The following RSPO1 variants were observed in gnomAD, a reference collection of about 807,000 sequenced individuals.
RSPO1 encodes the protein R-spondin 1, also known as R-spondin-1.
A neutral mutation model predicts 26.0 loss-of-function variants in RSPO1; 18 were observed. The ratio of observed to expected loss-of-function variants is 0.69; its 90% CI spans 0.48 to 1.03. The LOEUF (loss-of-function observed/expected upper bound fraction) is 1.03, where lower values mean the gene tolerates loss of function less well. RSPO1 is among the 50% of genes least tolerant of loss of function. The pLI is 0.00. For synonymous variants in RSPO1, 133 were observed against 137.4 expected, an observed-to-expected ratio of 0.97 and a Z score of 0.22; for missense variants, 309 against 352.3, an observed-to-expected ratio of 0.88 and a Z score of 0.98.
At chr1:37,632,381 G>A (rs1248743179) in intron 1 of RSPO1, 28 bp from the exon 2 acceptor site, 1 of 152,218 alleles carries the variant, frequency 6.6e-6, no homozygotes, top group Non-Finnish European at 1.5e-5. Flanking sequence ...GGATCCAGAT[G>A]TAAATTTCAC....
chr1:37,616,522 T>C lies in RSPO1; in HGVS notation c.248A>G (p.Tyr83Cys). 6.2e-7 allele frequency: 1 copy of C among 1,614,160 alleles called. No individual in the cohort carries two copies. Among genetic ancestry groups the C allele is most frequent in the Non-Finnish European group, 8.5e-7 (1 of 1,180,038 alleles). ...GVCLPSCPPG[Y>C]FDARNPDMNK... Reference sequence around the variant, plus strand: ...CATGTCGGGGTTGCGGGCGTCGAAGTATCCAGGTGGGCAGGACGGCAAGCA... The same window carrying C: ...CATGTCGGGGTTGCGGGCGTCGAAGCATCCAGGTGGGCAGGACGGCAAGCA... The change falls in exon 4 of 7, where the codon TAC becomes TGC. Residue 83 changes from tyrosine (Y) to cysteine (C), a missense_variant. Coordinates refer to ENST00000356545, the MANE Select transcript of RSPO1 (RefSeq NM_001242908.2).
chr1:37,621,188 C>T (rs1644196657), intron 3 of RSPO1, among the ~76,000 whole-genome samples: 1 of 151,908 alleles, frequency 6.6e-6, no homozygotes, highest in South Asian at 2.1e-4. Context: ...GAGCCTGGAG[C>T]GAGTGATGAG....
At chr1:37,630,641 G>A (rs894729593) in intron 2 of RSPO1, among the ~76,000 whole-genome samples, 4 of 152,230 alleles carry the variant, frequency 2.6e-5, no homozygotes, top group East Asian at 1.9e-4. Context: ...CTCTGGACCC[G>A]CTGGCCGGCT....
At chr1:37,626,085 G>GCTGGGCT (rs1644272259) in intron 3 of RSPO1, among the ~76,000 whole-genome samples, 1 of 152,106 alleles carries the variant, frequency 6.6e-6, no homozygotes, top group African/African-American at 2.4e-5. Flanking sequence ...CCTCTATGCA[G>GCTGGGCT]CTGGGCTCTG....
chr1:37,616,724 C>A (rs1183190583), intron 3 of RSPO1, 49 bp from the exon 4 acceptor site: 3 of 1,502,232 alleles, frequency 2.0e-6, no homozygotes, highest in African/African-American at 2.7e-5. Flanking sequence ...GAGAACCTCA[C>A]CTATCCAGAT....
rs773716637 is a variant in RSPO1, at chr1:37,613,677, C to G, written c.625+27G>C. On this transcript the variant is annotated intron_variant, in intron 6 of 6. Coordinates refer to ENST00000356545, the MANE Select transcript of RSPO1 (RefSeq NM_001242908.2). This position sits in a 1 kb window ranked among gnomAD's most constrained non-coding sequence, Gnocchi z 4.5. ...TCATGGCTGGTGCCTGAGCCCTGAC[C>G]CCAGGGAGGCAGAGGCTGCAGCTCA... The G allele has an allele frequency of 1.3e-6, 2 of 1,597,382 alleles. No individual in the cohort carries two copies. Among genetic ancestry groups the G allele is most frequent in the Middle Eastern group, 1.8e-4 (1 of 5,594 alleles).
Position 37,613,944 on chromosome 1 carries a change from TCTC to T in RSPO1, c.437-55_437-53del. On this transcript the variant is annotated intron_variant, in intron 5 of 6. Transcript: ENST00000356545. The surrounding 1 kb of genome is among the most constrained non-coding windows in gnomAD (Gnocchi z 4.5). ...GAAGGACAAGGAGGAGGGGATCATG[TCTC>T]CTCCTCTGGCCCAGAATAGCCCAGG... 6.3e-7 allele frequency: 1 copy of T among 1,582,150 alleles called. No individual in the cohort carries two copies. Among genetic ancestry groups the T allele is most frequent in the Non-Finnish European group, 8.7e-7 (1 of 1,151,546 alleles).
rs967551600 is a variant in RSPO1, at chr1:37,612,534, G to T, written c.*221C>A. ...TGTGTGTGTGTGTATGTGTGTGTGTGGTGTCTGTGTCTGCGTGTGTACATG... is the reference window on the plus strand; with the variant it reads ...TGTGTGTGTGTGTATGTGTGTGTGTTGTGTCTGTGTCTGCGTGTGTACATG... On this transcript the variant is annotated 3_prime_UTR_variant, in exon 7 of 7. Transcript: ENST00000356545. The T allele has an allele frequency of 3.4e-5, 21 of 609,944 alleles. No homozygotes were observed. The highest frequency in any genetic ancestry group is 3.3e-4 in the South Asian group (18 of 54,514). 37.8% of individuals were successfully genotyped at this position (609,944 alleles called of 1,614,324 possible).
chr1:37,616,811 G>A (rs187975427), intron 3 of RSPO1, 136 bp from the exon 4 acceptor site: 182 of 843,456 alleles, frequency 2.2e-4, no homozygotes, highest in Admixed American at 4.2e-4. Flanking sequence ...GCACCGGCCA[G>A]GCTGGCAGCT....
Position 37,611,769 on chromosome 1 carries a change from A to G in RSPO1, c.*986T>C, listed in dbSNP as rs1644029054. On this transcript the variant is annotated 3_prime_UTR_variant, in exon 7 of 7. Transcript: ENST00000356545. ...TGACCAGAATCCCTCCTGCTGCAAGATGGCCGGGGCCCTTTCTCCCGTCCT... is the reference window on the plus strand; with the variant it reads ...TGACCAGAATCCCTCCTGCTGCAAGGTGGCCGGGGCCCTTTCTCCCGTCCT... 1 of 156,902 alleles carries G rather than the reference A, an allele frequency of 6.4e-6. No homozygotes were observed. The highest frequency in any genetic ancestry group is 6.5e-5 in the Admixed American group (1 of 15,416). 9.7% of individuals were successfully genotyped at this position (156,902 alleles called of 1,614,324 possible). A position where few individuals can be genotyped will look rare whatever the true frequency, so the allele number is the denominator to read the frequency against.
intron 1 of RSPO1, among the ~76,000 whole-genome samples, 159 bp from the exon 2 acceptor site, chr1:37,632,512 T>C (rs1318841549): frequency 6.6e-6 from 1 of 151,824 alleles, no homozygotes; most frequent in East Asian, 1.9e-4. Flanking sequence ...TACCAGGGGG[T>C]ACAAATGACA....
intron 2 of RSPO1, chr1:37,631,815 A>G (rs531592852): frequency 6.6e-6 from 1 of 152,362 alleles, no homozygotes; most frequent in East Asian, 1.9e-4. Flanking sequence ...AGGCAATATG[A>G]ACATGTTCTG....
intron 3 of RSPO1, among the ~76,000 whole-genome samples, chr1:37,622,473 T>G (rs1217033985): frequency 6.6e-6 from 1 of 152,148 alleles, no homozygotes; most frequent in Non-Finnish European, 1.5e-5. Context: ...ATTGAGCCAC[T>G]GCACTCCAGC....
intron 3 of RSPO1, among the ~76,000 whole-genome samples, chr1:37,617,661 CAAAAAAAAAAAAA>C (rs34856591): frequency 2.2e-3 from 80 of 36,358 alleles, no homozygotes; most frequent in South Asian, 6.9e-3. Context: ...GACTCCATCT[CAAAAAAAAAAAAA>C]AAAAAAAAAA....
intron 3 of RSPO1, 54 bp from the exon 4 acceptor site, chr1:37,616,729 C>T: frequency 6.7e-7 from 1 of 1,483,376 alleles, no homozygotes; most frequent in Non-Finnish European, 9.4e-7. Flanking sequence ...CCTCACCTAT[C>T]CAGATTCTGA....
In RSPO1 at chr1:37,613,746, C is replaced by G. The variant is rs778964874; in HGVS notation, c.583G>C (p.Glu195Gln). Reference protein sequence around the residue: ...GDHAACSDTKETRRCTVRRVP... With the variant: ...GDHAACSDTKQTRRCTVRRVP... ...CTCCTCACTGTGCACCTCCGGGTCT[C>G]CTTGGTGTCAGAGCAGGCAGCATGG... Residue 195 changes from glutamate to glutamine, a missense_variant, in exon 6 of 7, where the codon GAG becomes CAG. Physicochemically the swap from Glu to Gln is conservative, Grantham distance 29. Transcript: ENST00000356545. The surrounding 1 kb of genome is among the most constrained non-coding windows in gnomAD (Gnocchi z 4.5). 3 of 1,613,908 alleles carry G rather than the reference C, an allele frequency of 1.9e-6. No homozygotes were observed. Among genetic ancestry groups the G allele is most frequent in the Non-Finnish European group, 2.5e-6 (3 of 1,180,014 alleles).
At chr1:37,621,829 T>G (rs1046129019) in intron 3 of RSPO1, among the ~76,000 whole-genome samples, 14 of 150,462 alleles carry the variant, frequency 9.3e-5, no homozygotes, top group Admixed American at 2.0e-4. Flanking sequence ...AGAGATGAGA[T>G]CTCACTGTGT....
chr1:37,633,231 G>C (rs565173213), intron 1 of RSPO1, among the ~76,000 whole-genome samples: 2 of 152,386 alleles, frequency 1.3e-5, no homozygotes, highest in African/African-American at 4.8e-5. Flanking sequence ...CCTGCCCTCA[G>C]GTTTGCTACC....
intron 4 of RSPO1, among the ~76,000 whole-genome samples, chr1:37,615,033 C>T (rs1644090537): frequency 6.6e-6 from 1 of 152,164 alleles, no homozygotes; most frequent in Non-Finnish European, 1.5e-5. Flanking sequence ...CAGGCAGGGT[C>T]TTTCACAATC....
Sources: allele counts gnomAD v4.1 joint callset (sites outside exome capture counted in the v4.1 genomes callset), GRCh38; gene constraint gnomAD v4.1.1; non-coding constraint Gnocchi (gnomAD v3.1); transcripts MANE v1.5; gene names NCBI Gene and HGNC (gene_info 2026-07-23, HGNC 2026-07-21).